Variants in NDUFAF2 observed in about 807,000 individuals in gnomAD.
NDUFAF2 encodes NADH dehydrogenase [ubiquinone] 1 alpha subcomplex assembly factor 2.
In NDUFAF2, 13 loss-of-function variants were observed where a neutral mutation model predicts 22.8. The ratio of observed to expected loss-of-function variants is 0.57; its 90% confidence interval spans 0.37 to 0.91. The LOEUF is 0.91. NDUFAF2 is among the 40% of genes least tolerant of loss of function. The pLI, the probability that NDUFAF2 is intolerant of heterozygous loss-of-function variation, is 0.01. For missense variants in NDUFAF2, 162 were observed against 195.2 expected (o/e 0.83, Z 1.01); for synonymous variants, 53 against 64.2 (o/e 0.83, Z 0.84).
intron 3 of NDUFAF2, among the ~76,000 whole-genome samples, chr5:61,113,999 G>A (rs1215929489): frequency 2.0e-5 from 3 of 152,016 alleles, no homozygotes; most frequent in East Asian, 1.9e-4. Context: ...AATGTCTTGA[G>A]GTAATCTTAT....
chr5:61,064,327 T>A (rs1311827684), intron 1 of NDUFAF2, among the ~76,000 whole-genome samples: 1 of 152,060 alleles, frequency 6.6e-6, no homozygotes, highest in Non-Finnish European at 1.5e-5. Flanking sequence ...CATTCAAAAA[T>A]GGGCAGATTA....
intron 1 of NDUFAF2, among the ~76,000 whole-genome samples, chr5:60,965,798 T>A (rs1305181949): frequency 6.6e-6 from 1 of 152,214 alleles, no homozygotes; most frequent in Non-Finnish European, 1.5e-5. Context: ...TTCCCTATCT[T>A]GATTATTCTA....
rs189769133 is a variant in NDUFAF2 at position 61,080,781 on chromosome 5, T to C, written c.217+7567T>C. On this transcript the variant is annotated intron_variant, in intron 2 of 3. Coordinates refer to ENST00000296597, the MANE Select transcript of NDUFAF2 (RefSeq NM_174889.5). Reference sequence around the variant, plus strand: ...TGTGATTAGCAAATATTTTTCACAGTCTATGGCTTGTCTTTTCATTGGCTT... The same window carrying C: ...TGTGATTAGCAAATATTTTTCACAGCCTATGGCTTGTCTTTTCATTGGCTT... Among the ~76,000 whole-genome samples, 365 of 152,294 alleles carry C rather than the reference T, an allele frequency of 2.4e-3. 2 individuals carry two copies. The highest frequency in any genetic ancestry group is 8.4e-3 in the African/African-American group (348 of 41,568).
chr5:61,040,251 G>GACACAC (rs55910021), intron 1 of NDUFAF2, among the ~76,000 whole-genome samples: 8,987 of 131,642 alleles, frequency 0.068, 436 homozygotes, highest in East Asian at 0.2. Context: ...AAGAGGAAAG[G>GACACAC]ACACACACAC....
intron 1 of NDUFAF2, among the ~76,000 whole-genome samples, chr5:61,040,758 A>T (rs1244869476): frequency 6.6e-6 from 1 of 151,898 alleles, no homozygotes; most frequent in East Asian, 1.9e-4. Context: ...TTAAGTATGC[A>T]TATTAGAGAG....
At chr5:60,995,657 C>G (rs1751219693) in intron 1 of NDUFAF2, among the ~76,000 whole-genome samples, 1 of 152,198 alleles carries the variant, frequency 6.6e-6, no homozygotes, top group Admixed American at 6.5e-5. Flanking sequence ...TGATCTTGCC[C>G]AAGGCCTGCT....
intron 1 of NDUFAF2, among the ~76,000 whole-genome samples, chr5:60,973,300 GGATGTAACA>G (rs1345401233): frequency 6.6e-6 from 1 of 152,018 alleles, no homozygotes; most frequent in Non-Finnish European, 1.5e-5. Context: ...CTTCATGCTT[GGATGTAACA>G]TCCTTGTCTC....
At chr5:61,012,881 AGTAGTT>A (rs1348307176) in intron 1 of NDUFAF2, among the ~76,000 whole-genome samples, 5 of 152,252 alleles carry the variant, frequency 3.3e-5, no homozygotes, top group Non-Finnish European at 5.9e-5. Flanking sequence ...TTTCTTCTAT[AGTAGTT>A]TCACCTATAA....
intron 1 of NDUFAF2, among the ~76,000 whole-genome samples, chr5:61,039,769 C>A (rs1198462645): frequency 1.3e-5 from 2 of 152,070 alleles, no homozygotes; most frequent in African/African-American, 2.4e-5. Flanking sequence ...TCATTGATTT[C>A]TCATCAAAGA....
intron 1 of NDUFAF2, among the ~76,000 whole-genome samples, chr5:60,954,556 A>G (rs780227987): frequency 1.4e-4 from 21 of 152,140 alleles, no homozygotes; most frequent in Admixed American, 3.9e-4. Context: ...ACTAGCTAAC[A>G]TATATACTAT....
At chr5:61,047,493 T>C (rs1466350272) in intron 1 of NDUFAF2, among the ~76,000 whole-genome samples, 1 of 152,158 alleles carries the variant, frequency 6.6e-6, no homozygotes, top group Non-Finnish European at 1.5e-5. Flanking sequence ...TCCCAGGAAA[T>C]ATTAGCCATT....
intron 1 of NDUFAF2, among the ~76,000 whole-genome samples, chr5:60,971,934 C>A (rs1383388231): frequency 6.6e-6 from 1 of 151,216 alleles, no homozygotes; most frequent in East Asian, 1.9e-4. Flanking sequence ...TTTTTGCCCC[C>A]CTCCCTTTTT....
Position 61,025,590 on chromosome 5 carries a change from A to G in NDUFAF2, c.128-47535A>G, listed in dbSNP as rs189231605. Among the ~76,000 whole-genome samples, 40 of 152,122 alleles carry G rather than the reference A, an allele frequency of 2.6e-4. No homozygotes were observed. The East Asian group carries it at 6.4e-3, about 24-fold the overall frequency. On this transcript the variant is annotated intron_variant, in intron 1 of 3. Coordinates refer to ENST00000296597, the MANE Select transcript of NDUFAF2 (RefSeq NM_174889.5). ...TTGGTGAAAAATTAACTCTGTAAAT[A>G]TGTATTAAGAGGAATGCCTGCTCTG...
intron 1 of NDUFAF2, 90 bp downstream of exon 1, chr5:60,945,472 C>T (rs752023359): frequency 9.1e-6 from 14 of 1,544,014 alleles, no homozygotes; most frequent in African/African-American, 1.4e-5. Flanking sequence ...TCAACTAACG[C>T]ATCATGCGAC....
intron 2 of NDUFAF2, among the ~76,000 whole-genome samples, chr5:61,074,796 T>G (rs1336202233): frequency 6.6e-6 from 1 of 151,940 alleles, no homozygotes. Flanking sequence ...TACCTGAAAC[T>G]GGGTAATTTA....
chr5:61,075,340 A>C (rs1370692403), intron 2 of NDUFAF2, among the ~76,000 whole-genome samples: 1 of 151,482 alleles, frequency 6.6e-6, no homozygotes, highest in African/African-American at 2.4e-5. Context: ...ACTATGAGGA[A>C]AAAAAAAACC....
intron 1 of NDUFAF2, among the ~76,000 whole-genome samples, chr5:60,947,198 CTG>C (rs1236155778): frequency 6.6e-6 from 1 of 152,158 alleles, no homozygotes; most frequent in East Asian, 1.9e-4. Context: ...AACTACCAAA[CTG>C]TTTTTCAAAG....
chr5:61,131,769 A>C (rs1374854563), intron 3 of NDUFAF2, among the ~76,000 whole-genome samples: 6 of 152,180 alleles, frequency 3.9e-5, no homozygotes, highest in Non-Finnish European at 8.8e-5. Context: ...TAAACATGTA[A>C]ATGGGATACA....
chr5:61,049,468 T>G (rs1275115246), intron 1 of NDUFAF2, among the ~76,000 whole-genome samples: 1 of 152,118 alleles, frequency 6.6e-6, no homozygotes, highest in Non-Finnish European at 1.5e-5. Flanking sequence ...AACATAAAAT[T>G]TACTATCTTA....
Sources: gnomAD v4.1 joint callset for allele counts (sites outside exome capture counted in the v4.1 genomes callset) on GRCh38, gnomAD v4.1.1 for gene constraint, MANE v1.5 for transcripts, NCBI Gene and HGNC (gene_info 2026-07-23, HGNC 2026-07-21) for gene names.